The following PER2 variants were observed in gnomAD, a reference collection of about 807,000 sequenced individuals.
The protein encoded by PER2 is period circadian protein homolog 2.
A neutral mutation model predicts 121.0 loss-of-function variants in PER2; 66 were observed. The ratio of observed to expected loss-of-function variants is 0.55; its 90% CI spans 0.45 to 0.67. The LOEUF is 0.67. Among genes scored for constraint, PER2 ranks in the 30% least tolerant of loss-of-function variants. PER2 has a pLI of 0.00. For synonymous variants in PER2, 684 were observed against 659.9 expected (o/e 1.04, Z -0.56); for missense variants, 1,521 against 1,635.0 (o/e 0.93, Z 1.20).
intron 1 of PER2, among the ~76,000 whole-genome samples, chr2:238,281,049 G>A (rs1014140802): frequency 6.6e-6 from 1 of 150,860 alleles, no homozygotes; most frequent in Non-Finnish European, 1.5e-5. Context: ...CTGTCACCAG[G>A]CTGGAGTGCA....
upstream of PER2, among the ~76,000 whole-genome samples, chr2:238,290,788 A>AG (rs1696936082): frequency 6.6e-6 from 1 of 152,086 alleles, no homozygotes; most frequent in Non-Finnish European, 1.5e-5. Flanking sequence ...GTGATGTAGA[A>AG]GGGGGGAGGA....
intron 5 of PER2, among the ~76,000 whole-genome samples, 192 bp downstream of exon 5, chr2:238,272,878 A>G (rs998521154): frequency 2.6e-5 from 4 of 152,250 alleles, no homozygotes; most frequent in African/African-American, 9.6e-5. Flanking sequence ...GTCTCACAGA[A>G]GGCAGAAGTC....
At chr2:238,292,770 C>T (rs1437350357), upstream of PER2, among the ~76,000 whole-genome samples, 2 of 149,230 alleles carry the variant, frequency 1.3e-5, no homozygotes, top group Non-Finnish European at 3.0e-5. Context: ...CAGAGTCTCA[C>T]TCTTTCGCCC....
chr2:238,275,182 G>GC (rs1352687282), intron 4 of PER2, among the ~76,000 whole-genome samples: 2 of 152,066 alleles, frequency 1.3e-5, no homozygotes, highest in Non-Finnish European at 2.9e-5. Flanking sequence ...AGATCCACCA[G>GC]CCCCTTAGTG....
At chr2:238,282,507 A>G (rs1488536517) in intron 1 of PER2, among the ~76,000 whole-genome samples, 2 of 152,238 alleles carry the variant, frequency 1.3e-5, no homozygotes, top group East Asian at 1.9e-4. Flanking sequence ...TGAATACTAT[A>G]CACCCACTAA....
In PER2 at chr2:238,268,980, A is replaced by C. The variant is rs1166348692; in HGVS notation, c.773-6T>G. 1 of 1,607,954 alleles carries C rather than the reference A, an allele frequency of 6.2e-7. No individual in the cohort carries two copies. Among genetic ancestry groups the C allele is most frequent in the Non-Finnish European group, 8.5e-7 (1 of 1,174,290 alleles). On this transcript the variant is annotated splice_region_variant and splice_polypyrimidine_tract_variant and intron_variant, in intron 6 of 22. Coordinates refer to ENST00000254657, the MANE Select transcript of PER2 (RefSeq NM_022817.3). The surrounding 1 kb of genome is among the most constrained non-coding windows in gnomAD (Gnocchi z 4.0). ...GCATTCTTGAGTAAAAGAATCTAAA[A>C]GAGAGAGCCCAAAGTCATTCATCCA...
intron 4 of PER2, among the ~76,000 whole-genome samples, chr2:238,274,022 C>T (rs1181284913): frequency 1.3e-5 from 2 of 152,208 alleles, no homozygotes; most frequent in Non-Finnish European, 2.9e-5. Context: ...GACCACATGG[C>T]AACCCCTGCA....
intron 16 of PER2, 118 bp from the exon 17 acceptor site, chr2:238,257,204 C>T (rs1230356001): frequency 3.8e-6 from 3 of 797,414 alleles, no homozygotes; most frequent in Non-Finnish European, 6.0e-6. Context: ...CAACCCATCC[C>T]ATCCCATCCC....
chr2:238,258,523 C>A lies in PER2; in HGVS notation c.1749G>T (p.Gln583His). The A allele has an allele frequency of 6.2e-7, 1 of 1,614,210 alleles. No individual in the cohort carries two copies. The highest frequency in any genetic ancestry group is 8.5e-7 in the Non-Finnish European group (1 of 1,180,034). Residue 583 changes from glutamine to histidine, a missense_variant, in exon 15 of 23, where the codon CAG becomes CAT. Gln to His is a conservative substitution (Grantham distance 24). Coordinates refer to ENST00000254657, the MANE Select transcript of PER2 (RefSeq NM_022817.3). ...TGATGACGCTGTCCAAGCAGCTGAT[C>A]TGCTGGTAGGAGCAGGTGGGCTGGT... ...CKNQPTCSYQ[Q>H]ISCLDSVIRY...
chr2:238,253,451 C>A lies in PER2; in HGVS notation c.2572G>T (p.Val858Leu). ...APVPAAYSLP[V>L]FPAPGTVAAP... ...GCCACAGTCCCTGGCGCTGGAAACA[C>A]GGGCAGTGAATAAGCTGCTGGCACT... The change falls in exon 19 of 23, where the codon GTG (valine) becomes TTG (leucine). Residue 858 changes from valine (V) to leucine (L), a missense_variant. Coordinates refer to ENST00000254657, the MANE Select transcript of PER2 (RefSeq NM_022817.3). This position sits in a 1 kb window ranked among gnomAD's most constrained non-coding sequence, Gnocchi z 5.6. 6.2e-7 allele frequency: 1 copy of A among 1,612,816 alleles called. No individual in the cohort carries two copies. The highest frequency in any genetic ancestry group is 8.5e-7 in the Non-Finnish European group (1 of 1,179,338).
chr2:238,287,522 C>T (rs1696824329), intron 1 of PER2, among the ~76,000 whole-genome samples: 1 of 152,220 alleles, frequency 6.6e-6, no homozygotes, highest in Non-Finnish European at 1.5e-5. Context: ...GTTCTTAACA[C>T]ATTTCCCGGA....
rs775898472 is a variant in PER2 at position 238,246,378 on chromosome 2, C to T, written c.3765G>A (p.Thr1255=). Residue 1255 remains threonine (T), a synonymous_variant, in exon 23 of 23, where the codon ACG becomes ACA. Transcript: ENST00000254657. ...SPLNHRIEEQ[T] Reference sequence around the variant, plus strand: ...CCGGGCTGAGGTGGGGCAGGGGTTACGTCTGCTCTTCGATCCTGTGATTCA... The same window carrying T: ...CCGGGCTGAGGTGGGGCAGGGGTTATGTCTGCTCTTCGATCCTGTGATTCA... 4.4e-6 allele frequency: 7 copies of T among 1,605,660 alleles called. No individual in the cohort carries two copies. Among genetic ancestry groups the T allele is most frequent in the South Asian group, 1.1e-5 (1 of 90,078 alleles).
rs200068621 is a variant in PER2 at position 238,253,106 on chromosome 2, T to C, written c.2917A>G (p.Met973Val). ...AAGAGCGGTGGGGAGGCCCTACCCA[T>C]GGCCGATGGTGGGGTGGCCCGGGTG... ...PATRATPPSA[M>V]GRASPPLFQS... is the part of the protein sequence containing the mutation. The change falls in exon 19 of 23, where the codon ATG becomes GTG. Residue 973 changes from methionine (M) to valine (V), a missense_variant. Physicochemically the swap from Met to Val is conservative, Grantham distance 21. Coordinates refer to ENST00000254657, the MANE Select transcript of PER2 (RefSeq NM_022817.3). This position sits in a 1 kb window ranked among gnomAD's most constrained non-coding sequence, Gnocchi z 5.6. The C allele has an allele frequency of 1.2e-5, 20 of 1,605,574 alleles. No individual in the cohort carries two copies. The highest frequency in any genetic ancestry group is 3.3e-4 in the Middle Eastern group (2 of 6,002).
chr2:238,298,588 A>G, the PER2 span: 1 of 152,276 alleles, frequency 6.6e-6, no homozygotes, highest in African/African-American at 2.4e-5. Flanking sequence ...GGGAAAAGTC[A>G]GAGAATACGC....
At chr2:238,256,543 C>T (rs1017600496) in intron 17 of PER2, among the ~76,000 whole-genome samples, 7 of 152,234 alleles carry the variant, frequency 4.6e-5, no homozygotes, top group Non-Finnish European at 8.8e-5. Flanking sequence ...GGAGAGCTAA[C>T]GGTCGCACCT....
In PER2 at chr2:238,245,502, G is replaced by A. The variant is rs1040301621; in HGVS notation, c.*873C>T. On this transcript the variant is annotated 3_prime_UTR_variant, in exon 23 of 23. Transcript: ENST00000254657. ...AAGCAGATGTCTGGGTGGTTCCAAC[G>A]GAAGAAAACCAAACAGGACTGGGTC... 1.3e-5 allele frequency: 5 copies of A among 398,310 alleles called. No individual in the cohort carries two copies. The highest frequency in any genetic ancestry group is 1.3e-4 in the South Asian group (1 of 7,826). The allele number at this position is 398,310 out of a possible 1,614,324, so 24.7% of individuals were successfully genotyped here. A position where few individuals can be genotyped will look rare whatever the true frequency, so the allele number is the denominator to read the frequency against.
Position 238,246,431 on chromosome 2 carries a change from T to C in PER2, c.3712A>G (p.Thr1238Ala). 1 of 1,612,502 alleles carries C rather than the reference T, an allele frequency of 6.2e-7. No homozygotes were observed. The highest frequency in any genetic ancestry group is 1.1e-5 in the South Asian group (1 of 90,964). ...GGGGATCCATTTTCGTCTTCTTTGG[T>C]GTCCGACACTTCGCTGAGTCCCAGA... ...PSLGLSEVSD[T>A]KEDENGSPLN... Residue 1238 changes from threonine to alanine, a missense_variant, in exon 23 of 23, where the codon ACC (threonine) becomes GCC (alanine). Thr to Ala is a moderately conservative substitution (Grantham distance 58). Transcript: ENST00000254657.
chr2:238,253,061 G>A lies in PER2; in HGVS notation c.2962C>T (p.Pro988Ser). The change falls in exon 19 of 23, where the codon CCC becomes TCC. Residue 988 changes from proline (P) to serine (S), a missense_variant. Pro to Ser is a moderately conservative substitution (Grantham distance 74, BLOSUM62 -1). Transcript: ENST00000254657. This position sits in a 1 kb window ranked among gnomAD's most constrained non-coding sequence, Gnocchi z 5.6. ...AGCTGCAGCAGGTTGAGCTGCAGGGGCGAGCTGCTGCGGGACTGAAAGAGC... is the reference window on the plus strand; with the variant it reads ...AGCTGCAGCAGGTTGAGCTGCAGGGACGAGCTGCTGCGGGACTGAAAGAGC... ...PPLFQSRSSS[P>S]LQLNLLQLEE... 1 of 1,613,346 alleles carries A rather than the reference G, an allele frequency of 6.2e-7. No individual in the cohort carries two copies. The highest frequency in any genetic ancestry group is 8.5e-7 in the Non-Finnish European group (1 of 1,179,572).
Position 238,252,118 on chromosome 2 carries a change from G to A in PER2, c.3112-357C>T, listed in dbSNP as rs1695622136. On this transcript the variant is annotated intron_variant, in intron 19 of 22. Transcript: ENST00000254657. This position sits in a 1 kb window ranked among gnomAD's most constrained non-coding sequence, Gnocchi z 4.2. ...GGGGAAAACGCCTCTCACAGCACCC[G>A]GTGTGGGGGCTGCCTTGGGATTGAG... 6.6e-6 allele frequency among the ~76,000 whole-genome samples: 1 copy of A among 152,198 alleles called. No individual in the cohort carries two copies. The highest frequency in any genetic ancestry group is 6.5e-5 in the Admixed American group (1 of 15,284).
Sources: allele counts gnomAD v4.1 joint callset (sites outside exome capture counted in the v4.1 genomes callset), GRCh38; gene constraint gnomAD v4.1.1; non-coding constraint Gnocchi (gnomAD v3.1); transcripts MANE v1.5; gene names NCBI Gene and HGNC (gene_info 2026-07-23, HGNC 2026-07-21).